The following ATP2C2 variants were observed in gnomAD, a reference collection of about 807,000 sequenced individuals.
ATP2C2 encodes the protein calcium-transporting ATPase type 2C member 2.
Under a neutral mutation model 110.8 loss-of-function variants are expected in ATP2C2, and 171 were observed. The ratio of observed to expected loss-of-function variants is 1.54; its 90% CI spans 1.36 to 1.75. The LOEUF (loss-of-function observed/expected upper bound fraction) is 1.75, where lower values mean the gene tolerates loss of function less well. ATP2C2 is among the 40% of genes most tolerant of loss of function. The pLI, the probability that ATP2C2 is intolerant of heterozygous loss-of-function variation, is 0.00. For missense variants in ATP2C2, 1,963 were observed against 1,235.0 expected (o/e 1.59, Z -8.84); for synonymous variants, 804 against 508.4 (o/e 1.58, Z -7.82).
chr16:84,409,570 C>T lies in ATP2C2; in HGVS notation c.418-998C>T, dbSNP rs201634573. 3.7e-4 allele frequency among the ~76,000 whole-genome samples: 56 copies of T among 152,218 alleles called. No homozygotes were observed. In the East Asian group the frequency reaches 5.8e-3, roughly 16 times the overall value. ...TGTCGTCCAGGCTGGACAGCAGTGC[C>T]GTGATCTCAGCTCAGTACAACCTCT... On this transcript the variant is annotated intron_variant, in intron 4 of 26. Transcript: ENST00000262429.
chr16:84,425,741 T>C lies in ATP2C2; in HGVS notation c.926T>C (p.Ile309Thr), dbSNP rs370264866. ...GTTTTTGTCTCTTCCCCAGGTCTCA[T>C]CATGCTCATTGGCTGGTCGCAAGGG... is the stretch of plus-strand genomic sequence containing the variant. ...TLFSFGIIGL[I>T]MLIGWSQGKQ... The change falls in exon 11 of 27, where the codon ATC becomes ACC. Residue 309 changes from isoleucine to threonine, a missense_variant. By Grantham distance (89) the Ile-to-Thr change is moderately conservative (BLOSUM62 -1). Transcript: ENST00000262429. 16 of 1,614,028 alleles carry C rather than the reference T, an allele frequency of 9.9e-6. No homozygotes were observed. The highest frequency in any genetic ancestry group is 1.4e-5 in the Non-Finnish European group (16 of 1,180,018).
In ATP2C2 at chr16:84,425,441, C is replaced by T. The variant is rs902348483; in HGVS notation, c.920-294C>T. Among the ~76,000 whole-genome samples, 7 of 152,280 alleles carry T rather than the reference C, an allele frequency of 4.6e-5. No homozygotes were observed. In the East Asian group the frequency reaches 5.8e-4, roughly 13 times the overall value. ...GGATGTTCTGGATACACGCAGCCGA[C>T]GGTAAACTTTGGGAATAAGATGTAA... On this transcript the variant is annotated intron_variant, in intron 10 of 26. Coordinates refer to ENST00000262429, the MANE Select transcript of ATP2C2 (RefSeq NM_014861.4).
intron 1 of ATP2C2, among the ~76,000 whole-genome samples, chr16:84,389,702 C>T (rs1280749351): frequency 6.7e-6 from 1 of 148,214 alleles, no homozygotes; most frequent in Admixed American, 6.9e-5. Context: ...GTGCTGGGAA[C>T]TTCACTCTCA....
chr16:84,387,021 G>A lies in ATP2C2; in HGVS notation c.100-11478G>A, dbSNP rs1292987838. Among the ~76,000 whole-genome samples, 4 of 152,078 alleles carry A rather than the reference G, an allele frequency of 2.6e-5. No homozygotes were observed. In the South Asian group the frequency reaches 6.2e-4, roughly 24 times the overall value. The stretch of plus-strand genomic sequence containing the variant: ...CCACACTGTCTTAAGCTTGATTGTC[G>A]CCACTCACCTGTGGGCAGTGGGGTT... On this transcript the variant is annotated intron_variant, in intron 1 of 26. Transcript: ENST00000262429.
intron 11 of ATP2C2, among the ~76,000 whole-genome samples, chr16:84,431,234 C>T (rs910348507): frequency 5.9e-5 from 9 of 151,964 alleles, no homozygotes; most frequent in African/African-American, 2.2e-4. Flanking sequence ...CATGGTGGCT[C>T]ACACCTGTAA....
At chr16:84,409,981 G>T (rs1906128130) in intron 4 of ATP2C2, among the ~76,000 whole-genome samples, 1 of 152,084 alleles carries the variant, frequency 6.6e-6, no homozygotes, top group Non-Finnish European at 1.5e-5. Context: ...AGGCCTGGGG[G>T]GTGGATCACG....
chr16:84,443,998 C>G (rs984850784), intron 15 of ATP2C2, among the ~76,000 whole-genome samples: 1 of 151,982 alleles, frequency 6.6e-6, no homozygotes, highest in Non-Finnish European at 1.5e-5. Flanking sequence ...GAAAACCCAT[C>G]TCTACAAAAA....
chr16:84,439,825 C>T (rs985387131), intron 13 of ATP2C2, among the ~76,000 whole-genome samples: 1 of 152,036 alleles, frequency 6.6e-6, no homozygotes, highest in African/African-American at 2.4e-5. Context: ...CGTGATTAGT[C>T]CATTTGTGGT....
At chr16:84,411,677 G>T (rs986159573) in intron 6 of ATP2C2, among the ~76,000 whole-genome samples, 4 of 152,214 alleles carry the variant, frequency 2.6e-5, no homozygotes, top group African/African-American at 9.6e-5. Flanking sequence ...CCTGACCTCA[G>T]ATGATCTGCC....
At chr16:84,459,576 T>A (rs1209893220) in intron 23 of ATP2C2, 190 bp downstream of exon 23, 1 of 1,536,136 alleles carries the variant, frequency 6.5e-7, no homozygotes, top group African/African-American at 1.4e-5. Flanking sequence ...AGAAAGTACC[T>A]GGGCCGGCAG....
intron 1 of ATP2C2, 81 bp downstream of exon 1, chr16:84,368,795 C>T: frequency 8.2e-7 from 1 of 1,214,988 alleles, no homozygotes; most frequent in Non-Finnish European, 1.1e-6. Flanking sequence ...CCCGAGACCC[C>T]GCGTTCGCGC....
intron 1 of ATP2C2, among the ~76,000 whole-genome samples, chr16:84,392,285 C>A (rs1470312196): frequency 6.6e-6 from 1 of 152,068 alleles, no homozygotes; most frequent in African/African-American, 2.4e-5. Context: ...TCACAATTAC[C>A]ATTATCATAT....
chr16:84,405,389 C>T (rs1406882031), intron 3 of ATP2C2, 145 bp downstream of exon 3: 1 of 695,842 alleles, frequency 1.4e-6, no homozygotes, highest in Non-Finnish European at 2.4e-6. Flanking sequence ...GAGCATCAGT[C>T]ATGAGCAAAT....
At chr16:84,382,152 C>G (rs907878417) in intron 1 of ATP2C2, among the ~76,000 whole-genome samples, 2 of 152,032 alleles carry the variant, frequency 1.3e-5, no homozygotes, top group African/African-American at 4.8e-5. Context: ...CACCCCCTGA[C>G]AGGCCCCGGT....
intron 21 of ATP2C2, among the ~76,000 whole-genome samples, chr16:84,456,402 A>C (rs1017603407): frequency 3.3e-5 from 5 of 151,790 alleles, no homozygotes; most frequent in African/African-American, 1.2e-4. Flanking sequence ...ATGGGCAAAA[A>C]CTGGAAGCAT....
intron 11 of ATP2C2, among the ~76,000 whole-genome samples, chr16:84,434,968 C>T (rs2150560871): frequency 6.6e-6 from 1 of 152,348 alleles, no homozygotes; most frequent in African/African-American, 2.4e-5. Flanking sequence ...ACAGCCTGTG[C>T]CATAAAACCA....
intron 11 of ATP2C2, among the ~76,000 whole-genome samples, chr16:84,430,733 G>T (rs1320018886): frequency 6.6e-6 from 1 of 151,822 alleles, no homozygotes; most frequent in Non-Finnish European, 1.5e-5. Context: ...AGCAGGAGTA[G>T]AACATGTGAT....
At chr16:84,401,319 G>A (rs1905307615) in intron 2 of ATP2C2, among the ~76,000 whole-genome samples, 1 of 150,870 alleles carries the variant, frequency 6.6e-6, no homozygotes, top group Non-Finnish European at 1.5e-5. Flanking sequence ...TGCCTCCTGG[G>A]TTCAAGCAAT....
intron 11 of ATP2C2, among the ~76,000 whole-genome samples, chr16:84,431,356 A>C (rs369633978): frequency 2.6e-5 from 4 of 152,050 alleles, no homozygotes; most frequent in Admixed American, 1.3e-4. Flanking sequence ...TTAGCCGGGC[A>C]TGGTGGTGTG....
Sources: allele counts gnomAD v4.1 joint callset (sites outside exome capture counted in the v4.1 genomes callset), GRCh38; gene constraint gnomAD v4.1.1; transcripts MANE v1.5; gene names NCBI Gene and HGNC (gene_info 2026-07-23, HGNC 2026-07-21).